Variants in METTL25 observed in about 807,000 individuals in gnomAD.
METTL25 encodes methyltransferase like 25, also known as probable methyltransferase-like protein 25.
In METTL25, 64 loss-of-function variants were observed where a neutral mutation model predicts 71.6. The ratio of observed to expected loss-of-function variants is 0.89; its 90% CI spans 0.73 to 1.10. The LOEUF is 1.10. Among genes scored for constraint, METTL25 ranks in the 50% least tolerant of loss-of-function variants. METTL25 has a pLI of 0.00. For missense variants in METTL25, 807 were observed against 707.0 expected (o/e 1.14, Z -1.60); for synonymous variants, 287 against 250.3 (o/e 1.15, Z -1.38).
At position 82,401,028 on chromosome 12, in the gene METTL25, A is replaced by G. The variant is rs537776186; in HGVS notation, c.1131+1634A>G. On this transcript the variant is annotated intron_variant, in intron 4 of 11. Coordinates refer to ENST00000248306, the MANE Select transcript of METTL25 (RefSeq NM_032230.3). ...TGAATTATTTTTTACTGATGACATC[A>G]TAATCTCTAAATAAAACCTATCTAA... 3.9e-5 allele frequency among the ~76,000 whole-genome samples: 6 copies of G among 152,238 alleles called. No homozygotes were observed. In the South Asian group the frequency reaches 1.0e-3, roughly 26 times the overall value.
intron 5 of METTL25, among the ~76,000 whole-genome samples, chr12:82,419,796 G>A (rs976275946): frequency 6.6e-6 from 1 of 151,482 alleles, no homozygotes; most frequent in African/African-American, 2.4e-5. Context: ...TATGGAAAAT[G>A]ATACGGAGGT....
At chr12:82,387,711 A>ACGCG (rs1002101068) in intron 2 of METTL25, among the ~76,000 whole-genome samples, 20 of 32,094 alleles carry the variant, frequency 6.2e-4, no homozygotes, top group Non-Finnish European at 9.3e-4. Context: ...CTACACACAC[A>ACGCG]CGCGCACACA....
At chr12:82,384,799 A>G (rs764337246) in intron 1 of METTL25, among the ~76,000 whole-genome samples, 1 of 152,078 alleles carries the variant, frequency 6.6e-6, no homozygotes, top group Non-Finnish European at 1.5e-5. Context: ...GAAATATCAC[A>G]ATTCTTTCTT....
At chr12:82,433,250 C>T (rs1889657940) in intron 6 of METTL25, among the ~76,000 whole-genome samples, 1 of 151,380 alleles carries the variant, frequency 6.6e-6, no homozygotes. Context: ...TTTAAATAGT[C>T]TATTTTTTTT....
intron 5 of METTL25, chr12:82,407,861 A>G (rs1460796937): frequency 1.0e-6 from 1 of 985,252 alleles, no homozygotes; most frequent in Non-Finnish European, 1.2e-6. Context: ...CTCAAAAACC[A>G]GATGGAAAAG....
At chr12:82,393,006 G>A (rs542796351) in intron 3 of METTL25, among the ~76,000 whole-genome samples, 1 of 152,110 alleles carries the variant, frequency 6.6e-6, no homozygotes, top group Non-Finnish European at 1.5e-5. Context: ...TTTTATGGGA[G>A]TGTCATACTG....
chr12:82,447,645 G>T (rs1381097708), intron 8 of METTL25, among the ~76,000 whole-genome samples: 3 of 152,032 alleles, frequency 2.0e-5, no homozygotes, highest in Non-Finnish European at 4.4e-5. Flanking sequence ...GGGGAGCAGT[G>T]GATTATTAGG....
intron 7 of METTL25, 179 bp from the exon 8 acceptor site, chr12:82,438,539 T>G (rs1335461321): frequency 2.9e-6 from 1 of 349,450 alleles, no homozygotes; most frequent in Admixed American, 4.7e-5. Flanking sequence ...AGAATTACTT[T>G]CACAATGAGA....
chr12:82,476,420 C>T (rs540100990), intron 9 of METTL25: 2 of 423,530 alleles, frequency 4.7e-6, no homozygotes, highest in South Asian at 8.8e-5. Context: ...TGGGATGTTG[C>T]TGGTGGTTTT....
Position 82,415,848 on chromosome 12 carries a change from A to G in METTL25, c.1279+12718A>G, listed in dbSNP as rs948791587. 3.3e-5 allele frequency among the ~76,000 whole-genome samples: 5 copies of G among 152,240 alleles called. No individual in the cohort carries two copies. In the East Asian group the frequency reaches 9.7e-4, roughly 29 times the overall value. Reference sequence around the variant, plus strand: ...CCATCCAGAAATAATGTTTAACCAGATATCCGGGCATCCCATGGCTCAGTC... The same window carrying G: ...CCATCCAGAAATAATGTTTAACCAGGTATCCGGGCATCCCATGGCTCAGTC... On this transcript the variant is annotated intron_variant, in intron 5 of 11. Transcript: ENST00000248306.
chr12:82,410,011 T>A (rs1425704891), intron 5 of METTL25, among the ~76,000 whole-genome samples: 2 of 152,082 alleles, frequency 1.3e-5, no homozygotes, highest in African/African-American at 4.8e-5. Flanking sequence ...CATATGTAGA[T>A]CATTATCTTT....
At chr12:82,375,653 G>T (rs1565806740) in intron 1 of METTL25, among the ~76,000 whole-genome samples, 1 of 152,188 alleles carries the variant, frequency 6.6e-6, no homozygotes, top group African/African-American at 2.4e-5. Context: ...ACTCTGGGCA[G>T]TAGGCTGAAT....
At chr12:82,457,095 A>C (rs144833736) in intron 9 of METTL25, among the ~76,000 whole-genome samples, 2 of 152,114 alleles carry the variant, frequency 1.3e-5, no homozygotes, top group African/African-American at 4.8e-5. Context: ...AAAGCAGGAC[A>C]ACAGTACAAG....
chr12:82,479,218 A>C lies in METTL25; in HGVS notation c.*194A>C. 1 of 483,494 alleles carries C rather than the reference A, an allele frequency of 2.1e-6. No individual in the cohort carries two copies. The highest frequency in any genetic ancestry group is 3.4e-5 in the South Asian group (1 of 29,624). The allele number at this position is 483,494 out of a possible 1,614,324, so 30.0% of individuals were successfully genotyped here. A position where few individuals can be genotyped will look rare whatever the true frequency, so the allele number is the denominator to read the frequency against. Reference sequence around the variant, plus strand: ...TCAAAGCATACATTAATAAAAGAAGAACCTGTCATAATAATATAAAACAGT... The same window carrying C: ...TCAAAGCATACATTAATAAAAGAAGCACCTGTCATAATAATATAAAACAGT... On this transcript the variant is annotated 3_prime_UTR_variant, in exon 12 of 12. Coordinates refer to ENST00000248306, the MANE Select transcript of METTL25 (RefSeq NM_032230.3).
chr12:82,359,378 C>T (rs1013715108), intron 1 of METTL25, among the ~76,000 whole-genome samples: 1 of 152,120 alleles, frequency 6.6e-6, no homozygotes. Flanking sequence ...TGAGGGGCTG[C>T]AGGTGCAGGA....
At chr12:82,434,790 G>A in intron 7 of METTL25, 66 bp downstream of exon 7, 1 of 1,273,374 alleles carries the variant, frequency 7.9e-7, no homozygotes, top group Non-Finnish European at 1.1e-6. Flanking sequence ...TACTTGACCT[G>A]CTGATGAACT....
At chr12:82,375,469 T>C (rs1883750760) in intron 1 of METTL25, among the ~76,000 whole-genome samples, 1 of 149,320 alleles carries the variant, frequency 6.7e-6, no homozygotes, top group Middle Eastern at 3.4e-3. Context: ...ATATGTTCTT[T>C]ATAAATTACC....
chr12:82,366,102 T>A (rs189864570), intron 1 of METTL25, among the ~76,000 whole-genome samples: 1,584 of 151,956 alleles, frequency 0.01, 25 homozygotes, highest in African/African-American at 0.034. Context: ...AAAAAAATTT[T>A]AAAAAAAAGA....
At chr12:82,420,139 T>C (rs1389647699) in intron 5 of METTL25, among the ~76,000 whole-genome samples, 1 of 152,180 alleles carries the variant, frequency 6.6e-6, no homozygotes, top group Non-Finnish European at 1.5e-5. Context: ...CTCACTTGTA[T>C]GTGAAATCTA....
Sources: allele counts gnomAD v4.1 joint callset (sites outside exome capture counted in the v4.1 genomes callset), GRCh38; gene constraint gnomAD v4.1.1; transcripts MANE v1.5; gene names NCBI Gene and HGNC (gene_info 2026-07-23, HGNC 2026-07-21).